SPATA9: variants seen among roughly 807,000 people sequenced by gnomAD.
SPATA9 encodes spermatogenesis associated 9, also known as spermatogenesis-associated protein 9.
Under a neutral mutation model 25.5 loss-of-function variants are expected in SPATA9, and 27 were observed. The observed-to-expected ratio is 1.06, with a 90% CI of 0.78 to 1.46. The LOEUF (loss-of-function observed/expected upper bound fraction) is 1.46. Ranked by LOEUF, SPATA9 falls within the 40% of genes most tolerant of loss-of-function variation. SPATA9 has a pLI of 0.00. For missense variants in SPATA9, 282 were observed against 297.5 expected (o/e 0.95, Z 0.38); for synonymous variants, 102 against 105.7 (o/e 0.97, Z 0.21).
At chr5:95,725,496 G>T in the SPATA9 span, among the ~76,000 whole-genome samples, 2 of 152,372 alleles carry the variant, frequency 1.3e-5, no homozygotes, top group East Asian at 1.9e-4. Flanking sequence ...ACACACAAGC[G>T]CACGCCTTTG....
chr5:95,690,602 A>G (rs1753856756), intron 1 of SPATA9, among the ~76,000 whole-genome samples: 1 of 152,188 alleles, frequency 6.6e-6, no homozygotes, highest in African/African-American at 2.4e-5. Context: ...ATGCTAATCT[A>G]GTGGTCAATA....
At chr5:95,656,579 A>G (rs1458381557), downstream of SPATA9, 1 of 240,676 alleles carries the variant, frequency 4.2e-6, no homozygotes, top group Non-Finnish European at 7.9e-6. Context: ...GGATAAAAAT[A>G]AATTTGGAGT....
At chr5:95,706,337 G>A in the SPATA9 span, among the ~76,000 whole-genome samples, 15 of 151,360 alleles carry the variant, frequency 9.9e-5, no homozygotes, top group African/African-American at 2.9e-4. Context: ...TCTTGTGATA[G>A]TGAGTGAGTT....
chr5:95,717,905 C>T, the SPATA9 span: 1 of 152,134 alleles, frequency 6.6e-6, no homozygotes, highest in Non-Finnish European at 1.5e-5. Flanking sequence ...TATAGTTATT[C>T]ATTAAACTAT....
the SPATA9 span, chr5:95,731,724 C>A: frequency 1.3e-5 from 21 of 1,612,798 alleles, no homozygotes; most frequent in African/African-American, 2.4e-4. Context: ...CTCTCTCCAG[C>A]GCGTGCCGTG....
At chr5:95,715,039 A>AT in the SPATA9 span, among the ~76,000 whole-genome samples, 158 of 152,268 alleles carry the variant, frequency 1.0e-3, 1 homozygote, top group Middle Eastern at 3.4e-3. Context: ...TTTATGTAAG[A>AT]TTGTGGCCGG....
At chr5:95,693,183 T>C (rs899870635) in intron 1 of SPATA9, among the ~76,000 whole-genome samples, 11 of 152,220 alleles carry the variant, frequency 7.2e-5, no homozygotes, top group African/African-American at 2.7e-4. Flanking sequence ...AAACAATTAG[T>C]ATCATCAAGT....
At chr5:95,666,003 A>G (rs1470937480) in intron 3 of SPATA9, among the ~76,000 whole-genome samples, 1 of 152,208 alleles carries the variant, frequency 6.6e-6, no homozygotes, top group Non-Finnish European at 1.5e-5. Context: ...TCTGAAGAAC[A>G]CGTGATAACT....
intron 2 of SPATA9, 23 bp from the exon 3 acceptor site, chr5:95,675,662 G>A: frequency 6.2e-7 from 1 of 1,600,928 alleles, no homozygotes; most frequent in South Asian, 1.1e-5. Flanking sequence ...CCTTTGAAAA[G>A]TAACTGATGT....
chr5:95,671,384 G>C (rs1561403668), intron 3 of SPATA9, among the ~76,000 whole-genome samples: 1 of 152,124 alleles, frequency 6.6e-6, no homozygotes. Flanking sequence ...ACCTAATCTA[G>C]TGATTTTGCA....
At chr5:95,699,856 GTTAT>G (rs1754134636), upstream of SPATA9, among the ~76,000 whole-genome samples, 1 of 152,176 alleles carries the variant, frequency 6.6e-6, no homozygotes, top group Admixed American at 6.5e-5. Context: ...TATTTGAAAA[GTTAT>G]TCATTCATTC....
the SPATA9 span, among the ~76,000 whole-genome samples, chr5:95,706,811 T>C: frequency 2.0e-5 from 3 of 149,706 alleles, no homozygotes; most frequent in Non-Finnish European, 4.4e-5. Flanking sequence ...ATTTATTGTT[T>C]TATATGCACA....
the SPATA9 span, among the ~76,000 whole-genome samples, chr5:95,718,710 G>T: frequency 6.6e-6 from 1 of 152,154 alleles, no homozygotes; most frequent in African/African-American, 2.4e-5. Flanking sequence ...ACACACTAAG[G>T]TTGATCCAGG....
In SPATA9 at chr5:95,664,052, C is replaced by CA; in HGVS notation, c.379-5dup. 1 of 1,524,164 alleles carries CA rather than the reference C, an allele frequency of 6.6e-7. No homozygotes were observed. The allele number at this position is 1,524,164 out of a possible 1,614,324, so 94.4% of individuals were successfully genotyped here. A position where few individuals can be genotyped will look rare whatever the true frequency, so the allele number is the denominator to read the frequency against. On this transcript the variant is annotated splice_region_variant and splice_polypyrimidine_tract_variant and intron_variant, in intron 3 of 4. Coordinates refer to ENST00000274432, the MANE Select transcript of SPATA9 (RefSeq NM_031952.4). Reference sequence around the variant, plus strand: ...CAAACAAAGAACCCTTTCTGACCTGCAAAAACAGAAAAGATTTTCTTAATA... The same window carrying CA: ...CAAACAAAGAACCCTTTCTGACCTGCAAAAAACAGAAAAGATTTTCTTAATA...
chr5:95,715,920 C>T, the SPATA9 span, among the ~76,000 whole-genome samples: 1 of 152,176 alleles, frequency 6.6e-6, no homozygotes, highest in Non-Finnish European at 1.5e-5. Flanking sequence ...AAGATTTCAA[C>T]AGATACCACA....
At chr5:95,676,776 G>C (rs775022241) in intron 2 of SPATA9, among the ~76,000 whole-genome samples, 1 of 152,176 alleles carries the variant, frequency 6.6e-6, no homozygotes, top group Non-Finnish European at 1.5e-5. Flanking sequence ...CAGCCAGAGA[G>C]ATCTAATCAA....
intron 3 of SPATA9, chr5:95,674,556 C>A: frequency 3.7e-6 from 1 of 272,976 alleles, no homozygotes; most frequent in South Asian, 3.4e-5. Context: ...AAGATTATAG[C>A]CAAGGAACAG....
Position 95,658,739 on chromosome 5 carries a change from G to A in SPATA9, c.649C>T (p.Pro217Ser). The A allele has an allele frequency of 1.9e-6, 3 of 1,613,730 alleles. No individual in the cohort carries two copies. Among genetic ancestry groups the A allele is most frequent in the Non-Finnish European group, 2.5e-6 (3 of 1,179,848 alleles). ...EIKAKPYRSL[P>S]EKPDISDYPK... Reference sequence around the variant, plus strand: ...TAATCTGAAATGTCTGGCTTCTCCGGCAATGACCTATAAGGTTTTGCTTTG... The same window carrying A: ...TAATCTGAAATGTCTGGCTTCTCCGACAATGACCTATAAGGTTTTGCTTTG... The change falls in exon 5 of 5, where the codon CCG (proline) becomes TCG (serine). Residue 217 changes from proline to serine, a missense_variant. Coordinates refer to ENST00000274432, the MANE Select transcript of SPATA9 (RefSeq NM_031952.4).
At chr5:95,698,902 C>T (rs1329299634), upstream of SPATA9, among the ~76,000 whole-genome samples, 1 of 152,072 alleles carries the variant, frequency 6.6e-6, no homozygotes, top group East Asian at 1.9e-4. Flanking sequence ...AAAAAAAAGA[C>T]TATTCATTTA....
Sources: allele counts gnomAD v4.1 joint callset (sites outside exome capture counted in the v4.1 genomes callset), GRCh38; gene constraint gnomAD v4.1.1; transcripts MANE v1.5; gene names NCBI Gene and HGNC (gene_info 2026-07-23, HGNC 2026-07-21).